Variants in ACOXL observed in about 807,000 individuals in gnomAD.
ACOXL encodes acyl-CoA oxidase like.
In ACOXL, 70 loss-of-function variants were observed where a neutral mutation model predicts 71.9. The ratio of observed to expected loss-of-function variants is 0.97; its 90% CI spans 0.80 to 1.19. The LOEUF (loss-of-function observed/expected upper bound fraction) is 1.19. Among genes scored for constraint, ACOXL ranks in the 50% most tolerant of loss-of-function variants. The pLI is 0.00. For missense variants in ACOXL, 703 were observed against 736.3 expected, an observed-to-expected ratio of 0.95 and a Z score of 0.52; for synonymous variants, 253 against 281.6, an observed-to-expected ratio of 0.90 and a Z score of 1.02.
chr2:110,747,490 C>T (rs987402340), intron 1 of ACOXL, among the ~76,000 whole-genome samples: 1 of 152,200 alleles, frequency 6.6e-6, no homozygotes, highest in African/African-American at 2.4e-5. Context: ...GTTTTCTCAG[C>T]TAGCCTCTCG....
intron 16 of ACOXL, among the ~76,000 whole-genome samples, chr2:111,059,674 C>T (rs892358571): frequency 6.6e-6 from 1 of 151,772 alleles, no homozygotes; most frequent in Non-Finnish European, 1.5e-5. Context: ...AAGAATGACA[C>T]AGCAGGAACT....
intron 10 of ACOXL, among the ~76,000 whole-genome samples, chr2:110,864,241 G>A (rs568536109): frequency 3.5e-4 from 53 of 152,312 alleles, no homozygotes; most frequent in African/African-American, 1.3e-3. Flanking sequence ...TGGGAGATGG[G>A]AAAGGGAACA....
At chr2:110,842,925 G>T (rs1340816149) in intron 10 of ACOXL, among the ~76,000 whole-genome samples, 3 of 152,206 alleles carry the variant, frequency 2.0e-5, no homozygotes, top group East Asian at 3.8e-4. Flanking sequence ...CACGACAAAA[G>T]TGTGGTGTCC....
chr2:110,899,322 A>G (rs2059136445), intron 10 of ACOXL, among the ~76,000 whole-genome samples: 1 of 152,154 alleles, frequency 6.6e-6, no homozygotes, highest in African/African-American at 2.4e-5. Context: ...ATGATGTTCA[A>G]CCTCAGTGAC....
chr2:110,770,471 G>A (rs1275675542), intron 2 of ACOXL, among the ~76,000 whole-genome samples: 1 of 152,218 alleles, frequency 6.6e-6, no homozygotes, highest in Non-Finnish European at 1.5e-5. Context: ...ACGCTGACAA[G>A]GGCGCTGCAG....
intron 16 of ACOXL, among the ~76,000 whole-genome samples, chr2:111,074,542 A>G (rs2067502825): frequency 6.6e-6 from 1 of 152,070 alleles, no homozygotes; most frequent in Non-Finnish European, 1.5e-5. Context: ...ATCAATTGAT[A>G]TGATTATGGT....
chr2:110,840,703 T>A (rs1691063970), intron 9 of ACOXL, among the ~76,000 whole-genome samples: 1 of 152,164 alleles, frequency 6.6e-6, no homozygotes, highest in Non-Finnish European at 1.5e-5. Context: ...AAAGAGGAAA[T>A]CACAGCTTCA....
chr2:110,753,531 A>G (rs1040284693), intron 1 of ACOXL, among the ~76,000 whole-genome samples: 1 of 152,164 alleles, frequency 6.6e-6, no homozygotes, highest in East Asian at 1.9e-4. Flanking sequence ...AGGTTAATAT[A>G]TGTCATTTAT....
chr2:111,055,457 C>T (rs1326218463), intron 16 of ACOXL, among the ~76,000 whole-genome samples: 1 of 152,248 alleles, frequency 6.6e-6, no homozygotes, highest in East Asian at 1.9e-4. Flanking sequence ...CCATCATGCA[C>T]AGTGCAAACC....
At chr2:110,915,694 C>G (rs1307763681) in intron 11 of ACOXL, among the ~76,000 whole-genome samples, 1 of 151,782 alleles carries the variant, frequency 6.6e-6, no homozygotes, top group Non-Finnish European at 1.5e-5. Context: ...TCTCAAAGTG[C>G]TGGGATTACA....
chr2:110,933,717 A>G (rs1355241800), intron 12 of ACOXL, 75 bp downstream of exon 12: 9 of 1,486,458 alleles, frequency 6.1e-6, no homozygotes, highest in Non-Finnish European at 8.1e-6. Context: ...TGGGGCGGGC[A>G]GATAACATGC....
intron 10 of ACOXL, among the ~76,000 whole-genome samples, chr2:110,852,346 G>C (rs575820345): frequency 6.6e-6 from 1 of 151,566 alleles, no homozygotes; most frequent in African/African-American, 2.4e-5. Flanking sequence ...GTCAGGCTGC[G>C]CGTGGGGGCC....
At chr2:110,859,023 T>A (rs549438735) in intron 10 of ACOXL, among the ~76,000 whole-genome samples, 1 of 152,258 alleles carries the variant, frequency 6.6e-6, no homozygotes, top group Non-Finnish European at 1.5e-5. Context: ...CATTTCTATA[T>A]GACAATTAAA....
At chr2:110,774,097 T>TA (rs550669379) in intron 2 of ACOXL, among the ~76,000 whole-genome samples, 2 of 152,320 alleles carry the variant, frequency 1.3e-5, no homozygotes, top group South Asian at 4.1e-4. Flanking sequence ...AAATACTATG[T>TA]AAAAAACCAA....
intron 10 of ACOXL, among the ~76,000 whole-genome samples, chr2:110,855,950 A>G (rs556034447): frequency 6.6e-6 from 1 of 152,140 alleles, no homozygotes; most frequent in South Asian, 2.1e-4. Context: ...TTATTCCCTT[A>G]TTTGACCTCT....
chr2:110,982,380 C>T (rs541931205), intron 12 of ACOXL, among the ~76,000 whole-genome samples: 8 of 152,158 alleles, frequency 5.3e-5, no homozygotes, highest in African/African-American at 1.9e-4. Context: ...CTTCTCCTCT[C>T]GTCTCTCCCC....
chr2:110,845,499 C>T (rs980446984), intron 10 of ACOXL, among the ~76,000 whole-genome samples: 1 of 152,328 alleles, frequency 6.6e-6, no homozygotes, highest in South Asian at 2.1e-4. Flanking sequence ...TACATTCCCA[C>T]TGCTGTGCAA....
At chr2:110,821,588 A>G (rs926366615) in intron 9 of ACOXL, among the ~76,000 whole-genome samples, 1 of 152,212 alleles carries the variant, frequency 6.6e-6, no homozygotes, top group African/African-American at 2.4e-5. Flanking sequence ...TTGCTGACTT[A>G]AAGTGTCCAA....
chr2:110,949,818 G>A (rs960827146), intron 12 of ACOXL, among the ~76,000 whole-genome samples: 15 of 152,104 alleles, frequency 9.9e-5, no homozygotes, highest in African/African-American at 3.4e-4. Context: ...GAAGTGAGAT[G>A]TTATTTCTCC....
Sources: allele counts gnomAD v4.1 joint callset (sites outside exome capture counted in the v4.1 genomes callset), GRCh38; gene constraint gnomAD v4.1.1; transcripts MANE v1.5; gene names NCBI Gene and HGNC (gene_info 2026-07-23, HGNC 2026-07-21).